CDK8: variants seen among roughly 807,000 people sequenced by gnomAD.
CDK8 encodes cyclin-dependent kinase 8.
In CDK8, 29 loss-of-function variants were observed where a neutral mutation model predicts 71.5. The ratio of observed to expected loss-of-function variants is 0.41; its 90% CI spans 0.30 to 0.55. CDK8 has a LOEUF of 0.55. CDK8 is among the 20% of genes least tolerant of loss of function. The pLI, the probability that CDK8 is intolerant of heterozygous loss-of-function variation, is 0.37. For missense variants in CDK8, 288 were observed against 572.6 expected (o/e 0.50, Z 5.07); for synonymous variants, 161 against 192.1 (o/e 0.84, Z 1.34).
intron 2 of CDK8, among the ~76,000 whole-genome samples, chr13:26,342,068 A>G (rs1307310283): frequency 1.3e-5 from 2 of 152,084 alleles, no homozygotes; most frequent in Non-Finnish European, 2.9e-5. Flanking sequence ...CTACAGGCAC[A>G]TGCCACCATA....
intron 1 of CDK8, among the ~76,000 whole-genome samples, chr13:26,325,658 G>A (rs182045470): frequency 1.9e-4 from 29 of 152,308 alleles, no homozygotes; most frequent in Admixed American, 1.9e-3. Context: ...AGGGAGGTCA[G>A]TTTGGGAATT....
intron 1 of CDK8, among the ~76,000 whole-genome samples, chr13:26,285,906 T>TAAAC (rs374348162): frequency 7.1e-6 from 1 of 141,184 alleles, no homozygotes; most frequent in Non-Finnish European, 1.5e-5. Flanking sequence ...AATAAATAAA[T>TAAAC]AAACAAACAA....
chr13:26,262,137 A>G (rs1871796401), intron 1 of CDK8, among the ~76,000 whole-genome samples: 1 of 152,220 alleles, frequency 6.6e-6, no homozygotes, highest in African/African-American at 2.4e-5. Flanking sequence ...CCTCAGAAAA[A>G]AATCCTAACT....
At chr13:26,283,168 G>A (rs989916399) in intron 1 of CDK8, among the ~76,000 whole-genome samples, 1 of 152,128 alleles carries the variant, frequency 6.6e-6, no homozygotes, top group African/African-American at 2.4e-5. Context: ...AACAAAGAAT[G>A]GACTTAAACT....
At chr13:26,339,756 A>AATATAT (rs1555231155) in intron 2 of CDK8, among the ~76,000 whole-genome samples, 89 of 142,982 alleles carry the variant, frequency 6.2e-4, no homozygotes, top group African/African-American at 2.1e-3. Context: ...TTAAAAAAAA[A>AATATAT]ATATATATAT....
chr13:26,389,707 T>TA (rs1177531716), intron 6 of CDK8, among the ~76,000 whole-genome samples: 1 of 151,872 alleles, frequency 6.6e-6, no homozygotes, highest in African/African-American at 2.4e-5. Context: ...TTTAAGTTTC[T>TA]AAAAATAAGG....
At chr13:26,346,737 A>G (rs1873475789) in intron 2 of CDK8, among the ~76,000 whole-genome samples, 1 of 152,260 alleles carries the variant, frequency 6.6e-6, no homozygotes, top group Admixed American at 6.5e-5. Flanking sequence ...TTTGAAAATT[A>G]TATTCTAAAA....
chr13:26,350,402 A>G (rs1178216855), intron 3 of CDK8, among the ~76,000 whole-genome samples: 1 of 152,204 alleles, frequency 6.6e-6, no homozygotes, highest in Non-Finnish European at 1.5e-5. Context: ...TGGGAGGCCA[A>G]GACAGGAAGA....
chr13:26,314,674 C>T (rs573858091), intron 1 of CDK8, among the ~76,000 whole-genome samples: 3 of 152,094 alleles, frequency 2.0e-5, no homozygotes, highest in African/African-American at 7.2e-5. Context: ...AGTCCAGAGG[C>T]GTGTAATATG....
At chr13:26,369,729 T>C (rs1350471776) in intron 4 of CDK8, among the ~76,000 whole-genome samples, 1 of 59,722 alleles carries the variant, frequency 1.7e-5, no homozygotes, top group Non-Finnish European at 4.1e-5. Flanking sequence ...TTTTTTTTTT[T>C]GTATTTTTAG....
chr13:26,349,136 A>C lies in CDK8; in HGVS notation c.269A>C (p.Asp90Ala). Residue 90 changes from aspartate to alanine, a missense_variant, in exon 3 of 13, where the codon GAT becomes GCT. By Grantham distance (126) the Asp-to-Ala change is moderately radical (BLOSUM62 -2). Around this residue, in one of 6 missense-constraint regions of CDK8, gnomAD observed 95 missense variants for 177.3 expected, o/e 0.54. Coordinates refer to ENST00000381527, the MANE Select transcript of CDK8 (RefSeq NM_001260.3). ...SLQKVFLSHADRKVWLLFDYA... is the reference protein window; with the variant it reads ...SLQKVFLSHAARKVWLLFDYA... Reference sequence around the variant, plus strand: ...CAAAAGGTGTTTCTGTCTCATGCTGATAGGAAGGTGTGGCTTCTGTTTGAC... The same window carrying C: ...CAAAAGGTGTTTCTGTCTCATGCTGCTAGGAAGGTGTGGCTTCTGTTTGAC... The C allele has an allele frequency of 2.5e-6, 4 of 1,613,462 alleles. No individual in the cohort carries two copies. Among genetic ancestry groups the C allele is most frequent in the Non-Finnish European group, 3.4e-6 (4 of 1,179,594 alleles).
At chr13:26,394,371 C>G (rs1374829687) in intron 7 of CDK8, among the ~76,000 whole-genome samples, 1 of 152,152 alleles carries the variant, frequency 6.6e-6, no homozygotes, top group African/African-American at 2.4e-5. Flanking sequence ...CTGCCTTTCT[C>G]CAAAATTGGT....
At chr13:26,364,495 A>G (rs1184312577) in intron 4 of CDK8, among the ~76,000 whole-genome samples, 2 of 152,206 alleles carry the variant, frequency 1.3e-5, no homozygotes, top group Non-Finnish European at 2.9e-5. Flanking sequence ...CATTGGTAAT[A>G]AAATCATTTT....
intron 1 of CDK8, among the ~76,000 whole-genome samples, chr13:26,257,083 A>G (rs1349602528): frequency 6.6e-6 from 1 of 152,186 alleles, no homozygotes; most frequent in African/African-American, 2.4e-5. Context: ...AATCTTTCAT[A>G]ATAAGATGAT....
intron 2 of CDK8, among the ~76,000 whole-genome samples, chr13:26,344,824 C>A (rs1344280998): frequency 2.0e-5 from 3 of 151,882 alleles, no homozygotes; most frequent in African/African-American, 7.3e-5. Context: ...TTCAGACTAC[C>A]TCCTGAAGGA....
chr13:26,292,691 C>A (rs793110), intron 1 of CDK8, among the ~76,000 whole-genome samples: 5 of 152,196 alleles, frequency 3.3e-5, no homozygotes, highest in Admixed American at 6.5e-5. Flanking sequence ...GAGAAGAATG[C>A]ATATTGGGGC....
Position 26,322,653 on chromosome 13 carries a change from G to A in CDK8, c.129-14914G>A, listed in dbSNP as rs771763184. Among the ~76,000 whole-genome samples, 13 of 152,210 alleles carry A rather than the reference G, an allele frequency of 8.5e-5. No individual in the cohort carries two copies. The East Asian group carries it at 1.9e-3, about 23-fold the overall frequency. On this transcript the variant is annotated intron_variant, in intron 1 of 12. Coordinates refer to ENST00000381527, the MANE Select transcript of CDK8 (RefSeq NM_001260.3). ...AGTTTATCACTTCCTGTTTACACTC[G>A]TGCTAAATTGTATATTGAAAATAGC...
At chr13:26,334,884 C>T (rs73160327) in intron 1 of CDK8, among the ~76,000 whole-genome samples, 7,981 of 152,222 alleles carry the variant, frequency 0.052, 269 homozygotes, top group Non-Finnish European at 0.073. Flanking sequence ...CGGAACTCCC[C>T]CAGCTTTTTG....
intron 3 of CDK8, among the ~76,000 whole-genome samples, 198 bp from the exon 4 acceptor site, chr13:26,353,542 T>C (rs1873769819): frequency 6.6e-6 from 1 of 152,176 alleles, no homozygotes; most frequent in Non-Finnish European, 1.5e-5. Context: ...AATGCTGTCA[T>C]ATGGGTAGGA....
Sources: gnomAD v4.1 joint callset for allele counts (sites outside exome capture counted in the v4.1 genomes callset) on GRCh38, gnomAD v4.1.1 for gene constraint, gnomAD v4.1.1 regional missense constraint, MANE v1.5 for transcripts, NCBI Gene and HGNC (gene_info 2026-07-23, HGNC 2026-07-21) for gene names.